NOL4: variants seen among roughly 807,000 people sequenced by gnomAD.
The protein encoded by NOL4 is nucleolar protein 4, also known as cancer/testis antigen 125.
A neutral mutation model predicts 75.9 loss-of-function variants in NOL4; 17 were observed. That is an observed-to-expected ratio of 0.22 (90% CI 0.15 to 0.34). The LOEUF (loss-of-function observed/expected upper bound fraction) is 0.34, where lower values mean the gene tolerates loss of function less well. Among genes scored for constraint, NOL4 ranks in the 10% least tolerant of loss-of-function variants. The pLI is 1.00. For synonymous variants in NOL4, 292 were observed against 289.9 expected (o/e 1.01, Z -0.07); for missense variants, 614 against 793.5 (o/e 0.77, Z 2.72).
intron 4 of NOL4, among the ~76,000 whole-genome samples, chr18:34,094,125 A>G (rs186668941): frequency 6.6e-6 from 1 of 152,356 alleles, no homozygotes; most frequent in African/African-American, 2.4e-5. Flanking sequence ...AATAATATAA[A>G]GAATGATTTT....
chr18:33,982,508 C>T (rs1275513874), intron 6 of NOL4, among the ~76,000 whole-genome samples: 2 of 152,000 alleles, frequency 1.3e-5, no homozygotes, highest in Non-Finnish European at 2.9e-5. Flanking sequence ...TCCAAGAAGA[C>T]AGAACAATCT....
intron 5 of NOL4, among the ~76,000 whole-genome samples, chr18:34,047,546 A>G (rs2076436472): frequency 6.6e-6 from 1 of 152,148 alleles, no homozygotes; most frequent in South Asian, 2.1e-4. Flanking sequence ...TTAATATAAT[A>G]TGTAAAATCT....
intron 9 of NOL4, among the ~76,000 whole-genome samples, chr18:33,924,867 G>A (rs570475420): frequency 2.0e-5 from 3 of 152,084 alleles, no homozygotes; most frequent in Non-Finnish European, 2.9e-5. Context: ...ACTTTGAGAT[G>A]GGTCTACAAA....
intron 1 of NOL4, among the ~76,000 whole-genome samples, chr18:34,181,156 C>T (rs1221945494): frequency 2.6e-5 from 4 of 151,350 alleles, no homozygotes; most frequent in African/African-American, 9.7e-5. Context: ...ACTCATGCTA[C>T]CAAATTTCAA....
chr18:33,967,097 G>A lies in NOL4; in HGVS notation c.1057-8679C>T, dbSNP rs554337441. On this transcript the variant is annotated intron_variant, in intron 6 of 10. Coordinates refer to ENST00000261592, the MANE Select transcript of NOL4 (RefSeq NM_003787.5). ...AACTACACTACAAGGATACGATAAC[G>A]AAAACAGGATGAAACTGGTACAGAA... Among the ~76,000 whole-genome samples, 20 of 152,134 alleles carry A rather than the reference G, an allele frequency of 1.3e-4. No homozygotes were observed. The South Asian group carries it at 3.5e-3, about 27-fold the overall frequency.
At chr18:34,112,883 T>C (rs1264882498) in intron 2 of NOL4, among the ~76,000 whole-genome samples, 1 of 152,208 alleles carries the variant, frequency 6.6e-6, no homozygotes, top group Non-Finnish European at 1.5e-5. Context: ...ATGGTTACTA[T>C]ATGAGGTGAT....
chr18:33,988,308 T>C (rs955079877), intron 6 of NOL4, among the ~76,000 whole-genome samples: 1 of 152,090 alleles, frequency 6.6e-6, no homozygotes, highest in African/African-American at 2.4e-5. Flanking sequence ...TCCCTACTTC[T>C]ATACATGGGA....
chr18:33,977,895 T>A (rs114149691), intron 6 of NOL4, among the ~76,000 whole-genome samples: 2,370 of 152,258 alleles, frequency 0.016, 62 homozygotes, highest in African/African-American at 0.054. Context: ...ACATGTGGTT[T>A]CCTAGGCTCC....
At chr18:34,101,968 C>T (rs1206053241) in intron 4 of NOL4, among the ~76,000 whole-genome samples, 1 of 151,952 alleles carries the variant, frequency 6.6e-6, no homozygotes, top group Admixed American at 6.6e-5. Context: ...CTTCCTTGAA[C>T]ATTCTGTTCC....
chr18:34,020,289 A>G (rs1672503938), intron 5 of NOL4, among the ~76,000 whole-genome samples: 1 of 152,210 alleles, frequency 6.6e-6, no homozygotes, highest in Admixed American at 6.5e-5. Flanking sequence ...CAAAGAAAAA[A>G]AAACAAAGAG....
In NOL4 at chr18:34,199,046, C is replaced by A. The variant is rs180945115; in HGVS notation, c.264+23944G>T. Among the ~76,000 whole-genome samples the A allele has an allele frequency of 2.0e-4, 30 of 151,704 alleles. No individual in the cohort carries two copies. In the East Asian group the frequency reaches 4.3e-3, roughly 22 times the overall value. ...AATCTTCATGATTGCATTGCTATTG[C>A]ATATTGGAACAACAAATCAACATAA... is the stretch of plus-strand genomic sequence containing the variant. On this transcript the variant is annotated intron_variant, in intron 1 of 10. Coordinates refer to ENST00000261592, the MANE Select transcript of NOL4 (RefSeq NM_003787.5).
At chr18:34,055,861 AT>A (rs536080924) in intron 5 of NOL4, among the ~76,000 whole-genome samples, 172 of 151,376 alleles carry the variant, frequency 1.1e-3, no homozygotes, top group African/African-American at 4.0e-3. Flanking sequence ...AAGTTCACTG[AT>A]TTTTTCATCT....
intron 5 of NOL4, among the ~76,000 whole-genome samples, chr18:34,035,917 T>C (rs1322327998): frequency 6.6e-6 from 1 of 151,974 alleles, no homozygotes; most frequent in Non-Finnish European, 1.5e-5. Context: ...CCTACTAAAA[T>C]TGAATCAGAA....
chr18:34,107,303 T>C (rs1428289939), intron 2 of NOL4, among the ~76,000 whole-genome samples: 1 of 152,156 alleles, frequency 6.6e-6, no homozygotes, highest in Non-Finnish European at 1.5e-5. Flanking sequence ...GTCAAAAATG[T>C]TTGTGTTCAT....
intron 1 of NOL4, among the ~76,000 whole-genome samples, chr18:34,150,600 A>G (rs1445939868): frequency 6.6e-6 from 1 of 151,782 alleles, no homozygotes; most frequent in Admixed American, 6.6e-5. Flanking sequence ...TGAATCCTAG[A>G]CTAAATGTTA....
intron 1 of NOL4, among the ~76,000 whole-genome samples, chr18:34,141,544 T>A (rs1021869520): frequency 6.6e-6 from 1 of 152,142 alleles, no homozygotes; most frequent in African/African-American, 2.4e-5. Context: ...TCTACAACCA[T>A]CTGATCTTTG....
At position 34,089,945 on chromosome 18, in the gene NOL4, A is replaced by G. The variant is rs191398309; in HGVS notation, c.772+3520T>C. Among the ~76,000 whole-genome samples the G allele has an allele frequency of 3.5e-3, 534 of 152,234 alleles. 5 individuals are homozygous for G. The highest frequency in any genetic ancestry group is 5.8e-3 in the Non-Finnish European group (396 of 68,014). On this transcript the variant is annotated intron_variant, in intron 5 of 10. Coordinates refer to ENST00000261592, the MANE Select transcript of NOL4 (RefSeq NM_003787.5). ...TTTTCTTACTGTGATACACACACAC[A>G]CACGCACAAACACACACACCCCTAA...
At chr18:33,962,389 A>G (rs1466068281) in intron 6 of NOL4, among the ~76,000 whole-genome samples, 1 of 152,218 alleles carries the variant, frequency 6.6e-6, no homozygotes, top group African/African-American at 2.4e-5. Flanking sequence ...GAATAATACT[A>G]TCTTTGTAAG....
At chr18:34,073,094 C>T (rs775182651) in intron 5 of NOL4, among the ~76,000 whole-genome samples, 3 of 151,956 alleles carry the variant, frequency 2.0e-5, no homozygotes, top group Non-Finnish European at 4.4e-5. Flanking sequence ...AAATACAAAA[C>T]ATACAAAATA....
Sources: gnomAD v4.1 joint callset for allele counts (sites outside exome capture counted in the v4.1 genomes callset) on GRCh38, gnomAD v4.1.1 for gene constraint, MANE v1.5 for transcripts, NCBI Gene and HGNC (gene_info 2026-07-23, HGNC 2026-07-21) for gene names.